Variants in NBEA observed in about 807,000 individuals in gnomAD.
The protein encoded by NBEA is lysosomal-trafficking regulator 2.
A neutral mutation model predicts 343.4 loss-of-function variants in NBEA; 44 were observed. That is an observed-to-expected ratio of 0.13 (90% CI 0.10 to 0.16). The LOEUF is 0.16. NBEA is among the 10% of genes least tolerant of loss of function. The pLI is 1.00. For missense variants in NBEA, 2,555 were observed against 3,631.3 expected (o/e 0.70, Z 7.62); for synonymous variants, 1,175 against 1,238.7 (o/e 0.95, Z 1.08).
intron 48 of NBEA, among the ~76,000 whole-genome samples, chr13:35,616,252 G>C (rs1391313511): frequency 6.6e-6 from 1 of 152,082 alleles, no homozygotes; most frequent in Non-Finnish European, 1.5e-5. Context: ...AATTCCACCT[G>C]TATTTTGAAT....
intron 38 of NBEA, among the ~76,000 whole-genome samples, chr13:35,370,463 G>A (rs2041365351): frequency 1.3e-5 from 2 of 151,970 alleles, no homozygotes; most frequent in African/African-American, 4.8e-5. Flanking sequence ...GCAGCATATA[G>A]TTGAGTCATG....
chr13:35,190,107 G>C (rs183704388), intron 30 of NBEA, among the ~76,000 whole-genome samples: 1 of 152,046 alleles, frequency 6.6e-6, no homozygotes, highest in East Asian at 1.9e-4. Context: ...TATTTGAACT[G>C]TATGGAATCT....
At chr13:35,109,029 G>C (rs1024942985) in intron 11 of NBEA, among the ~76,000 whole-genome samples, 8 of 151,870 alleles carry the variant, frequency 5.3e-5, no homozygotes, top group African/African-American at 1.9e-4. Flanking sequence ...CATTTCTTTA[G>C]CTAATAGTAG....
chr13:35,018,512 C>A (rs2061729048), intron 1 of NBEA, among the ~76,000 whole-genome samples: 2 of 151,744 alleles, frequency 1.3e-5, no homozygotes, highest in South Asian at 4.2e-4. Context: ...AAATGATATT[C>A]TTTTTAGTTT....
intron 46 of NBEA, among the ~76,000 whole-genome samples, chr13:35,591,687 T>C (rs1242236222): frequency 2.6e-5 from 4 of 152,022 alleles, no homozygotes; most frequent in Admixed American, 2.6e-4. Flanking sequence ...CAGGGAGATA[T>C]TGAGGAAGAT....
intron 8 of NBEA, among the ~76,000 whole-genome samples, chr13:35,062,483 T>C (rs1192233982): frequency 6.6e-6 from 1 of 151,744 alleles, no homozygotes; most frequent in African/African-American, 2.4e-5. Flanking sequence ...ATTTATAGAT[T>C]GAAGAAACTC....
chr13:35,057,167 C>A (rs933365889), intron 7 of NBEA, among the ~76,000 whole-genome samples: 2 of 152,098 alleles, frequency 1.3e-5, no homozygotes, highest in Non-Finnish European at 2.9e-5. Context: ...TTCAAGCATA[C>A]CTGGTTTTAT....
At chr13:35,599,622 G>A (rs1449489798) in intron 47 of NBEA, among the ~76,000 whole-genome samples, 1 of 152,156 alleles carries the variant, frequency 6.6e-6, no homozygotes, top group Non-Finnish European at 1.5e-5. Flanking sequence ...AAACTCTTAG[G>A]CTGCCCTAAG....
At chr13:35,532,999 A>G (rs1179810116) in intron 41 of NBEA, among the ~76,000 whole-genome samples, 1 of 152,158 alleles carries the variant, frequency 6.6e-6, no homozygotes, top group Non-Finnish European at 1.5e-5. Context: ...GTATATTCAC[A>G]GCATAAATTC....
At chr13:35,152,015 TATCTGTTTCATTACTTC>T (rs1593523677) in intron 18 of NBEA, among the ~76,000 whole-genome samples, 2 of 152,158 alleles carry the variant, frequency 1.3e-5, no homozygotes, top group African/African-American at 4.8e-5. Flanking sequence ...TCAGCAATAA[TATCTGTTTCATTACTTC>T]ATTGTGATAT....
chr13:35,457,073 A>G (rs2152949650), intron 40 of NBEA, among the ~76,000 whole-genome samples: 1 of 152,024 alleles, frequency 6.6e-6, no homozygotes, highest in South Asian at 2.1e-4. Flanking sequence ...TAAAAATTTC[A>G]CAGGCCCAAA....
intron 34 of NBEA, among the ~76,000 whole-genome samples, chr13:35,234,678 C>G (rs1364755730): frequency 6.6e-6 from 1 of 152,148 alleles, no homozygotes; most frequent in Non-Finnish European, 1.5e-5. Context: ...AAAGCCACTT[C>G]CTCATCTTTA....
chr13:35,423,765 G>A (rs9544305), intron 38 of NBEA, among the ~76,000 whole-genome samples: 30,733 of 151,614 alleles, frequency 0.2, 3,286 homozygotes, highest in East Asian at 0.25. Flanking sequence ...CACGATATTG[G>A]TTCTTCCTAC....
In NBEA at chr13:35,520,399, A is replaced by G. The variant is rs142128747; in HGVS notation, c.6586-30078A>G. 6.8e-4 allele frequency among the ~76,000 whole-genome samples: 103 copies of G among 152,334 alleles called. 1 individual carries two copies. The East Asian group carries it at 0.017, about 25-fold the overall frequency. On this transcript the variant is annotated intron_variant, in intron 41 of 58. Transcript: ENST00000379939. Reference sequence around the variant, plus strand: ...TACTTCAGTTAAAAAATGCCTTGAGATAAGGCAACCATGTCTCTTCCTATA... The same window carrying G: ...TACTTCAGTTAAAAAATGCCTTGAGGTAAGGCAACCATGTCTCTTCCTATA...
In NBEA at chr13:34,988,963, A is replaced by C. The variant is rs550401044; in HGVS notation, c.294+45849A>C. On this transcript the variant is annotated intron_variant, in intron 1 of 58. Coordinates refer to ENST00000379939, the MANE Select transcript of NBEA (RefSeq NM_001385012.1). ...TAATGTAATTACTGATACTGGATTTAGGCCTTCTATCTTACTACTATTTGT... is the reference window on the plus strand; with the variant it reads ...TAATGTAATTACTGATACTGGATTTCGGCCTTCTATCTTACTACTATTTGT... 2.3e-4 allele frequency among the ~76,000 whole-genome samples: 35 copies of C among 151,126 alleles called. 1 individual carries two copies. The highest frequency in any genetic ancestry group is 1.3e-3 in the Admixed American group (19 of 15,164).
intron 36 of NBEA, among the ~76,000 whole-genome samples, chr13:35,332,998 G>A (rs961471142): frequency 3.3e-5 from 5 of 152,084 alleles, no homozygotes; most frequent in South Asian, 2.1e-4. Context: ...GCCACCAGAA[G>A]TAAAGCAGAG....
At chr13:35,089,995 G>T (rs917042308) in intron 10 of NBEA, among the ~76,000 whole-genome samples, 1 of 150,632 alleles carries the variant, frequency 6.6e-6, no homozygotes, top group Non-Finnish European at 1.5e-5. Context: ...CACCAGAATG[G>T]CACATGTATA....
At chr13:35,303,977 C>T (rs1487705026) in intron 35 of NBEA, among the ~76,000 whole-genome samples, 1 of 151,984 alleles carries the variant, frequency 6.6e-6, no homozygotes, top group Non-Finnish European at 1.5e-5. Context: ...TCCTGAAATA[C>T]GAAAATGACA....
intron 41 of NBEA, among the ~76,000 whole-genome samples, chr13:35,538,665 C>A (rs188698138): frequency 1.2e-3 from 178 of 152,304 alleles, no homozygotes; most frequent in African/African-American, 3.8e-3. Context: ...TGTACAGTAA[C>A]CCCCGTGAGG....
Sources: allele counts gnomAD v4.1 joint callset (sites outside exome capture counted in the v4.1 genomes callset), GRCh38; gene constraint gnomAD v4.1.1; transcripts MANE v1.5; gene names NCBI Gene and HGNC (gene_info 2026-07-23, HGNC 2026-07-21).